Variants in FBXO4 observed in about 807,000 individuals in gnomAD.
FBXO4 encodes the protein F-box only protein 4.
A neutral mutation model predicts 43.7 loss-of-function variants in FBXO4; 36 were observed. The observed-to-expected ratio is 0.82, with a 90% CI of 0.63 to 1.09. The LOEUF (loss-of-function observed/expected upper bound fraction) is 1.09, where lower values mean the gene tolerates loss of function less well. FBXO4 is among the 50% of genes least tolerant of loss of function. The pLI, the probability that FBXO4 is intolerant of heterozygous loss-of-function variation, is 0.00. For synonymous variants in FBXO4, 180 were observed against 165.6 expected, an observed-to-expected ratio of 1.09 and a Z score of -0.67; for missense variants, 435 against 474.1, an observed-to-expected ratio of 0.92 and a Z score of 0.77.
the FBXO4 span, among the ~76,000 whole-genome samples, chr5:42,020,093 GT>G: frequency 5.3e-5 from 8 of 152,116 alleles, no homozygotes; most frequent in African/African-American, 1.9e-4. Flanking sequence ...TTAGGAAATA[GT>G]GGGAAGAGAA....
chr5:41,984,187 G>T, the FBXO4 span, among the ~76,000 whole-genome samples: 3 of 152,006 alleles, frequency 2.0e-5, no homozygotes, highest in Admixed American at 1.3e-4. Flanking sequence ...CTAACAATCA[G>T]CTTCCTGTCA....
chr5:41,946,122 C>G (rs1752074385), downstream of FBXO4, among the ~76,000 whole-genome samples: 1 of 152,272 alleles, frequency 6.6e-6, no homozygotes. Context: ...ATATCCAGTG[C>G]ATTGTTGGCA....
the FBXO4 span, among the ~76,000 whole-genome samples, chr5:41,993,804 A>G: frequency 1.3e-5 from 2 of 152,178 alleles, no homozygotes. Flanking sequence ...GGCAAGAAGC[A>G]TCTAGCATGG....
At chr5:41,993,566 G>A in the FBXO4 span, among the ~76,000 whole-genome samples, 1 of 150,012 alleles carries the variant, frequency 6.7e-6, no homozygotes, top group Admixed American at 6.7e-5. Context: ...CCATATAACT[G>A]AAACTTTTTA....
the FBXO4 span, among the ~76,000 whole-genome samples, chr5:42,033,884 G>T: frequency 3.3e-5 from 5 of 152,190 alleles, no homozygotes; most frequent in African/African-American, 1.2e-4. Context: ...CTAGTAATGG[G>T]ATTGCTGAGT....
chr5:42,023,751 GA>G, the FBXO4 span, among the ~76,000 whole-genome samples: 1 of 151,862 alleles, frequency 6.6e-6, no homozygotes, highest in East Asian at 1.9e-4. Flanking sequence ...TAAATAGCCA[GA>G]AAATATTCAA....
At chr5:41,989,269 G>A in the FBXO4 span, among the ~76,000 whole-genome samples, 1 of 152,068 alleles carries the variant, frequency 6.6e-6, no homozygotes, top group Non-Finnish European at 1.5e-5. Flanking sequence ...TCAAATGTCA[G>A]CAGTCAAGGG....
chr5:42,008,812 A>G, the FBXO4 span, among the ~76,000 whole-genome samples: 3 of 152,146 alleles, frequency 2.0e-5, no homozygotes, highest in Admixed American at 6.6e-5. Context: ...CTGTAAAAGT[A>G]AGCTGATCTC....
chr5:41,976,204 A>G, the FBXO4 span, among the ~76,000 whole-genome samples: 1 of 152,260 alleles, frequency 6.6e-6, no homozygotes, highest in Non-Finnish European at 1.5e-5. Context: ...GAGGGGAAAA[A>G]TGTCCAAACT....
At chr5:41,950,276 G>T in the FBXO4 span, among the ~76,000 whole-genome samples, 1 of 151,906 alleles carries the variant, frequency 6.6e-6, no homozygotes, top group Non-Finnish European at 1.5e-5. Context: ...GAGTGAACAG[G>T]CCACCTACAG....
chr5:42,035,208 A>C, the FBXO4 span, among the ~76,000 whole-genome samples: 1 of 152,058 alleles, frequency 6.6e-6, no homozygotes, highest in Admixed American at 6.6e-5. Context: ...TATCGGCTTA[A>C]AGAGTTTTGG....
chr5:41,944,173 G>A (rs530105246), downstream of FBXO4, among the ~76,000 whole-genome samples: 9 of 152,274 alleles, frequency 5.9e-5, no homozygotes, highest in East Asian at 1.2e-3. Flanking sequence ...ATTTTGTAAC[G>A]ATCTCAGGCT....
chr5:41,957,553 A>G, the FBXO4 span, among the ~76,000 whole-genome samples: 2 of 150,772 alleles, frequency 1.3e-5, no homozygotes, highest in East Asian at 3.9e-4. Context: ...CAACATAATT[A>G]TGTATCTATT....
intron 2 of FBXO4, among the ~76,000 whole-genome samples, chr5:41,929,272 C>T (rs1751603136): frequency 3.9e-5 from 6 of 152,202 alleles, no homozygotes; most frequent in Non-Finnish European, 8.8e-5. Context: ...CATCCTTGGC[C>T]TCTGCTAACT....
chr5:42,034,734 G>A, the FBXO4 span, among the ~76,000 whole-genome samples: 1 of 152,056 alleles, frequency 6.6e-6, no homozygotes, highest in Non-Finnish European at 1.5e-5. Flanking sequence ...TATCTATTTT[G>A]GTACCAGCAC....
At chr5:42,001,809 G>A in the FBXO4 span, among the ~76,000 whole-genome samples, 5 of 152,120 alleles carry the variant, frequency 3.3e-5, no homozygotes, top group South Asian at 4.2e-4. Flanking sequence ...CTCCTGCTCA[G>A]CCTCCCTAGT....
the FBXO4 span, among the ~76,000 whole-genome samples, chr5:41,962,656 C>T: frequency 1.3e-5 from 2 of 152,252 alleles, no homozygotes; most frequent in Admixed American, 6.5e-5. Flanking sequence ...TGACCCTCTT[C>T]CACCAAAGGT....
chr5:41,987,521 TC>T, the FBXO4 span, among the ~76,000 whole-genome samples: 2 of 152,172 alleles, frequency 1.3e-5, no homozygotes, highest in Admixed American at 1.3e-4. Context: ...TGTAATAAGC[TC>T]CTTGTGAGGA....
the FBXO4 span, among the ~76,000 whole-genome samples, chr5:41,998,112 T>C: frequency 5.3e-5 from 8 of 152,208 alleles, no homozygotes; most frequent in Non-Finnish European, 1.2e-4. Context: ...AGTCAGACTA[T>C]TCTGATTGCC....
Sources: gnomAD v4.1 joint callset for allele counts (sites outside exome capture counted in the v4.1 genomes callset) on GRCh38, gnomAD v4.1.1 for gene constraint, MANE v1.5 for transcripts, NCBI Gene and HGNC (gene_info 2026-07-23, HGNC 2026-07-21) for gene names.